SMC3: variants seen among roughly 807,000 people sequenced by gnomAD.
SMC3 encodes structural maintenance of chromosomes protein 3.
In SMC3, 20 loss-of-function variants were observed where a neutral mutation model predicts 171.8. The ratio of observed to expected loss-of-function variants is 0.12; its 90% CI spans 0.08 to 0.17. The LOEUF (loss-of-function observed/expected upper bound fraction) is 0.17. Among genes scored for constraint, SMC3 ranks in the 10% least tolerant of loss-of-function variants. The pLI, the probability that SMC3 is intolerant of heterozygous loss-of-function variation, is 1.00. For missense variants in SMC3, 543 were observed against 1,420.4 expected (o/e 0.38, Z 9.93); for synonymous variants, 464 against 451.1 (o/e 1.03, Z -0.36).
At position 110,602,561 on chromosome 10, in the gene SMC3, A is replaced by G. The variant is rs1479533016; in HGVS notation, c.3193A>G (p.Ser1065Gly). Residue 1065 changes from serine to glycine, a missense_variant, in exon 26 of 29, where the codon AGT becomes GGT. Ser to Gly is a moderately conservative substitution (Grantham distance 56). Around this residue, in one of 8 missense-constraint regions of SMC3, gnomAD observed 34 missense variants for 59.1 expected, o/e 0.58. Coordinates refer to ENST00000361804, the MANE Select transcript of SMC3 (RefSeq NM_005445.4). ...LVMKKGDVEGSQSQDEGEGSG... is the reference protein window; with the variant it reads ...LVMKKGDVEGGQSQDEGEGSG... ...GATGAAGAAAGGAGATGTGGAGGGC[A>G]GTCAGTCTCAAGATGAAGGAGAAGG... 1 of 1,613,338 alleles carries G rather than the reference A, an allele frequency of 6.2e-7. No individual in the cohort carries two copies.
In SMC3 at chr10:110,600,919, T is replaced by A. The variant is rs1469134813; in HGVS notation, c.2536-103T>A. 8 of 806,870 alleles carry A rather than the reference T, an allele frequency of 9.9e-6. No individual in the cohort carries two copies. The East Asian group carries it at 1.8e-4, about 18-fold the overall frequency. 50.0% of individuals were successfully genotyped at this position (806,870 alleles called of 1,614,324 possible). A position where few individuals can be genotyped will look rare whatever the true frequency, so the allele number is the denominator to read the frequency against. ...AAGTATTTGTAATTATATGATGTATTTATATTTTTTTGTTTTCTTGAATGT... is the reference window on the plus strand; with the variant it reads ...AAGTATTTGTAATTATATGATGTATATATATTTTTTTGTTTTCTTGAATGT... On this transcript the variant is annotated intron_variant, in intron 22 of 28. Transcript: ENST00000361804.
chr10:110,598,145 A>G lies in SMC3; in HGVS notation c.2123A>G (p.Asn708Ser). ...TTTCCTTAGCCTTGTATATGGATTAATAATGAAATTGATCAGTTGATGAAC... is the reference window on the plus strand; with the variant it reads ...TTTCCTTAGCCTTGTATATGGATTAGTAATGAAATTGATCAGTTGATGAAC... ...ENLRRNIERI[N>S]NEIDQLMNQM... Residue 708 changes from asparagine (N) to serine (S), a missense_variant, in exon 20 of 29, where the codon AAT becomes AGT. Coordinates refer to ENST00000361804, the MANE Select transcript of SMC3 (RefSeq NM_005445.4). 6.2e-7 allele frequency: 1 copy of G among 1,613,722 alleles called. No homozygotes were observed. Among genetic ancestry groups the G allele is most frequent in the Non-Finnish European group, 8.5e-7 (1 of 1,179,820 alleles).
chr10:110,576,514 A>G (rs182308752), intron 4 of SMC3, among the ~76,000 whole-genome samples: 1 of 152,342 alleles, frequency 6.6e-6, no homozygotes, highest in Non-Finnish European at 1.5e-5. Flanking sequence ...GAAAATCATG[A>G]AAGACTACAA....
chr10:110,601,602 G>A, intron 23 of SMC3, 35 bp from the exon 24 acceptor site: 1 of 1,599,116 alleles, frequency 6.3e-7, no homozygotes, highest in Non-Finnish European at 8.5e-7. Context: ...GGCTTTATAG[G>A]TATTATAGCC....
intron 2 of SMC3, among the ~76,000 whole-genome samples, chr10:110,569,288 G>A (rs1387170762): frequency 1.3e-5 from 2 of 152,112 alleles, no homozygotes; most frequent in East Asian, 3.8e-4. Context: ...CCGCTCTTCT[G>A]TTCTTGTTAT....
intron 2 of SMC3, among the ~76,000 whole-genome samples, chr10:110,572,814 A>G (rs1366656274): frequency 2.0e-5 from 3 of 151,948 alleles, no homozygotes. Flanking sequence ...GCATTTGGTA[A>G]TTCTCCTCCT....
chr10:110,596,613 A>G, intron 19 of SMC3, 63 bp downstream of exon 19: 4 of 1,474,508 alleles, frequency 2.7e-6, no homozygotes, highest in Non-Finnish European at 3.7e-6. Context: ...TTTGGTTGCC[A>G]TATATAATCT....
intron 21 of SMC3, 84 bp from the exon 22 acceptor site, chr10:110,600,355 A>T (rs1564795496): frequency 2.6e-6 from 2 of 763,352 alleles, no homozygotes; most frequent in East Asian, 4.9e-5. Flanking sequence ...ACATGAGCAC[A>T]AGTACTAGAG....
intron 21 of SMC3, 50 bp from the exon 22 acceptor site, chr10:110,600,389 C>A (rs1554884016): frequency 1.1e-6 from 1 of 886,876 alleles, no homozygotes; most frequent in South Asian, 1.3e-5. Flanking sequence ...AGCACCATTC[C>A]TGTGTGTGAA....
chr10:110,583,727 G>C, intron 11 of SMC3, 114 bp from the exon 12 acceptor site: 1 of 1,274,770 alleles, frequency 7.8e-7, no homozygotes, highest in Non-Finnish European at 1.1e-6. Flanking sequence ...TTAAAAAAGA[G>C]TTTCATGTTA....
intron 5 of SMC3, 55 bp downstream of exon 5, chr10:110,577,547 T>A: frequency 6.5e-6 from 8 of 1,235,894 alleles, no homozygotes; most frequent in Non-Finnish European, 8.3e-6. Flanking sequence ...TTAGCTGATT[T>A]TCTTCATACT....
chr10:110,593,000 G>A (rs1861232864), intron 17 of SMC3, 73 bp from the exon 18 acceptor site: 1 of 1,218,606 alleles, frequency 8.2e-7, no homozygotes, highest in Non-Finnish European at 1.2e-6. Context: ...ATTTCATAAA[G>A]ATGTAATTTC....
intron 19 of SMC3, among the ~76,000 whole-genome samples, chr10:110,597,488 G>T (rs1485841946): frequency 6.6e-6 from 1 of 152,206 alleles, no homozygotes; most frequent in African/African-American, 2.4e-5. Flanking sequence ...TGCTTCAGGT[G>T]AAACTGGAAT....
chr10:110,573,423 A>C (rs1860901287), intron 2 of SMC3, among the ~76,000 whole-genome samples: 1 of 152,160 alleles, frequency 6.6e-6, no homozygotes, highest in African/African-American at 2.4e-5. Flanking sequence ...AGAGCCAGGT[A>C]GTATATTTAG....
At chr10:110,596,193 G>A (rs889923420) in intron 18 of SMC3, among the ~76,000 whole-genome samples, 1 of 134,250 alleles carries the variant, frequency 7.4e-6, no homozygotes, top group South Asian at 2.4e-4. Flanking sequence ...CTGCACTCCA[G>A]CCTGAGCAAC....
At chr10:110,587,572 G>C (rs1241853274) in intron 13 of SMC3, among the ~76,000 whole-genome samples, 1 of 152,176 alleles carries the variant, frequency 6.6e-6, no homozygotes, top group East Asian at 1.9e-4. Context: ...TGTAGTGCCA[G>C]CTACTCGGGG....
At chr10:110,572,529 A>G (rs954281987) in intron 2 of SMC3, among the ~76,000 whole-genome samples, 3 of 152,134 alleles carry the variant, frequency 2.0e-5, no homozygotes, top group Non-Finnish European at 2.9e-5. Flanking sequence ...CCCTCTCAGG[A>G]TATCACATCT....
At chr10:110,581,438 C>G (rs183294203) in intron 8 of SMC3, among the ~76,000 whole-genome samples, 117 of 151,998 alleles carry the variant, frequency 7.7e-4, no homozygotes, top group Non-Finnish European at 2.8e-4. Flanking sequence ...AGGCTGATCT[C>G]GAACTCCTGA....
Position 110,577,426 on chromosome 10 carries a change from T to C in SMC3, c.204T>C (p.Gly68=), listed in dbSNP as rs1860969100. 1.9e-6 allele frequency: 3 copies of C among 1,611,414 alleles called. No individual in the cohort carries two copies. The highest frequency in any genetic ancestry group is 1.7e-5 in the Admixed American group (1 of 60,004). ...CTCACTTCTTTCATTTTTAGGAAGG[T>C]ACTGGTCCTCGTGTTATTTCTGCTT... ...PEQRLALLHE[G]TGPRVISAFV... The change falls in exon 5 of 29, where the codon GGT becomes GGC. Residue 68 remains glycine (G), a synonymous_variant. Coordinates refer to ENST00000361804, the MANE Select transcript of SMC3 (RefSeq NM_005445.4).
Sources: allele counts gnomAD v4.1 joint callset (sites outside exome capture counted in the v4.1 genomes callset), GRCh38; gene constraint gnomAD v4.1.1; regional missense constraint gnomAD v4.1.1; transcripts MANE v1.5; gene names NCBI Gene and HGNC (gene_info 2026-07-23, HGNC 2026-07-21).